Variants in ATF6B observed in about 807,000 individuals in gnomAD.
The protein encoded by ATF6B is activating transcription factor 6 beta.
ATF6B carries 50 observed loss-of-function variants against 83.5 expected under a neutral mutation model. That is an observed-to-expected ratio of 0.60 (90% confidence interval 0.48 to 0.76). ATF6B has a LOEUF of 0.76. Among genes scored for constraint, ATF6B ranks in the 30% least tolerant of loss-of-function variants. The pLI, the probability that ATF6B is intolerant of heterozygous loss-of-function variation, is 0.00. For synonymous variants in ATF6B, 344 were observed against 362.8 expected, an observed-to-expected ratio of 0.95 and a Z score of 0.59; for missense variants, 790 against 893.8, an observed-to-expected ratio of 0.88 and a Z score of 1.48.
chr6:32,123,652 T>G (rs942716953), intron 5 of ATF6B, among the ~76,000 whole-genome samples: 5 of 152,220 alleles, frequency 3.3e-5, no homozygotes, highest in Non-Finnish European at 4.4e-5. Context: ...CCTCCCAAAG[T>G]GCTGGGATTA....
In ATF6B at chr6:32,119,852, G is replaced by A. The variant is rs370199161; in HGVS notation, c.938C>T (p.Pro313Leu). Residue 313 changes from proline to leucine, a missense_variant, in exon 9 of 18, where the codon CCT (proline) becomes CTT (leucine). Coordinates refer to ENST00000375203, the MANE Select transcript of ATF6B (RefSeq NM_004381.5). This position sits in a 1 kb window ranked among gnomAD's most constrained non-coding sequence, Gnocchi z 4.9. ...ERKSIVPAPM[P>L]GNSCPPEVDA... is the part of the protein sequence containing the mutation. ...CACTTCAGGCGGGCAGGAGTTTCCA[G>A]GCATAGGAGCGGGAACGATGCTCTT... 6.2e-7 allele frequency: 1 copy of A among 1,613,998 alleles called. No homozygotes were observed. Among genetic ancestry groups the A allele is most frequent in the African/African-American group, 1.3e-5 (1 of 74,896 alleles).
rs1250456255 is a variant in ATF6B at position 32,116,936 on chromosome 6, C to T, written c.1685+101G>A. On this transcript the variant is annotated intron_variant, in intron 15 of 17. Transcript: ENST00000375203. The surrounding 1 kb of genome is among the most constrained non-coding windows in gnomAD (Gnocchi z 5.1). ...CCCCAGTGGAGGAGGGAGGTATAAT[C>T]CCACTGGTGACAGTAATGACAGGCA... 1 of 1,526,494 alleles carries T rather than the reference C, an allele frequency of 6.6e-7. No individual in the cohort carries two copies. Among genetic ancestry groups the T allele is most frequent in the Non-Finnish European group, 9.1e-7 (1 of 1,103,474 alleles). The allele number at this position is 1,526,494 out of a possible 1,614,324, so 94.6% of individuals were successfully genotyped here. A position where few individuals can be genotyped will look rare whatever the true frequency, so the allele number is the denominator to read the frequency against.
rs1048595877 is a variant in ATF6B at position 32,117,811 on chromosome 6, C to T, written c.1424+48G>A. The T allele has an allele frequency of 1.3e-6, 2 of 1,560,962 alleles. No homozygotes were observed. Among genetic ancestry groups the T allele is most frequent in the Non-Finnish European group, 1.7e-6 (2 of 1,154,718 alleles). On this transcript the variant is annotated intron_variant, in intron 12 of 17. Transcript: ENST00000375203. This position sits in a 1 kb window ranked among gnomAD's most constrained non-coding sequence, Gnocchi z 5.0. ...CCCCTCACTGAAAGCGGGGAGAAGA[C>T]CAACTCATACCCTCAAACGAGAGGG...
In ATF6B at chr6:32,119,904, C is replaced by T; in HGVS notation, c.886G>A (p.Ala296Thr). The T allele has an allele frequency of 6.2e-7, 1 of 1,614,100 alleles. No homozygotes were observed. Among genetic ancestry groups the T allele is most frequent in the Non-Finnish European group, 8.5e-7 (1 of 1,180,010 alleles). The change falls in exon 9 of 18, where the codon GCT becomes ACT. Residue 296 changes from alanine (A) to threonine (T), a missense_variant. Transcript: ENST00000375203. This position sits in a 1 kb window ranked among gnomAD's most constrained non-coding sequence, Gnocchi z 4.9. ...GAIRVQPEGP[A>T]PSLPRPERKS... Reference sequence around the variant, plus strand: ...CTCTCAGGCCGTGGTAGAGAGGGAGCCGGCCCTTCAGGCTGGACTCGAATA... The same window carrying T: ...CTCTCAGGCCGTGGTAGAGAGGGAGTCGGCCCTTCAGGCTGGACTCGAATA...
At position 32,118,712 on chromosome 6, in the gene ATF6B, C is replaced by A. The variant is rs1183188275; in HGVS notation, c.1244+63G>T. 27 of 1,533,494 alleles carry A rather than the reference C, an allele frequency of 1.8e-5. No individual in the cohort carries two copies. In the South Asian group the frequency reaches 2.4e-4, roughly 13 times the overall value. 95.0% of individuals were successfully genotyped at this position (1,533,494 alleles called of 1,614,324 possible). A position where few individuals can be genotyped will look rare whatever the true frequency, so the allele number is the denominator to read the frequency against. ...AGGAAATGGCCTGGGCCAAAGCAGG[C>A]AGCTAGGAGGCTGTAACGTGGGCTC... On this transcript the variant is annotated intron_variant, in intron 11 of 17. Coordinates refer to ENST00000375203, the MANE Select transcript of ATF6B (RefSeq NM_004381.5). This position sits in a 1 kb window ranked among gnomAD's most constrained non-coding sequence, Gnocchi z 5.2.
chr6:32,128,040 C>T (rs972029275), intron 1 of ATF6B, 77 bp downstream of exon 1: 19 of 1,562,964 alleles, frequency 1.2e-5, no homozygotes, highest in Non-Finnish European at 1.7e-5. Flanking sequence ...CCCAGACTTC[C>T]TCTTTAGGCC....
Position 32,121,077 on chromosome 6 carries a change from G to T in ATF6B, c.612C>A (p.Ser204=), listed in dbSNP as rs2228628. ...EVLEVKTESL[S]PSGCLLWDVP... is the part of the protein sequence containing the mutation. ...CATCCCACAGGAGGCATCCTGAAGG[G>T]GACAGGGACTCTGTCTTCACTTCCA... The change falls in exon 7 of 18, where the codon TCC becomes TCA. Residue 204 remains serine, a synonymous_variant. Transcript: ENST00000375203. 1.3e-6 allele frequency: 2 copies of T among 1,567,922 alleles called. No homozygotes were observed. Among genetic ancestry groups the T allele is most frequent in the Admixed American group, 1.9e-5 (1 of 53,734 alleles).
Position 32,117,645 on chromosome 6 carries a change from G to A in ATF6B, c.1474C>T (p.Leu492=). Reference sequence around the variant, plus strand: ...TCAGAGGAGAGGAAGAGCTGGTCTAGGTCTCTTAGTAGTAGCTCCTTGGCG... The same window carrying A: ...TCAGAGGAGAGGAAGAGCTGGTCTAAGTCTCTTAGTAGTAGCTCCTTGGCG... ...GGAKELLLRD[L]DQLFLSSDCR... Residue 492 remains leucine, a synonymous_variant, in exon 13 of 18, where the codon CTA becomes TTA. Transcript: ENST00000375203. This position sits in a 1 kb window ranked among gnomAD's most constrained non-coding sequence, Gnocchi z 5.0. 2 of 1,614,198 alleles carry A rather than the reference G, an allele frequency of 1.2e-6. No homozygotes were observed. The highest frequency in any genetic ancestry group is 2.7e-5 in the African/African-American group (2 of 75,050).
chr6:32,116,786 C>T lies in ATF6B; in HGVS notation c.1715G>A (p.Arg572His), dbSNP rs563678991. ...RDSVGQLQLY[R>H]HPDRSQPAFL... ...TGCTGGCTGCGAACGGTCTGGGTGG[C>T]GATATAGTTGCAGCTGGCCCACAGA... The change falls in exon 16 of 18, where the codon CGC becomes CAC. Residue 572 changes from arginine to histidine, a missense_variant. Physicochemically the swap from Arg to His is conservative, Grantham distance 29 (BLOSUM62 0). This residue lies in a region of ATF6B where 530 missense variants were observed against 632.6 expected (regional missense o/e 0.84). Coordinates refer to ENST00000375203, the MANE Select transcript of ATF6B (RefSeq NM_004381.5). The surrounding 1 kb of genome is among the most constrained non-coding windows in gnomAD (Gnocchi z 5.1). 29 of 1,614,028 alleles carry T rather than the reference C, an allele frequency of 1.8e-5. No homozygotes were observed. The South Asian group carries it at 2.5e-4, about 14-fold the overall frequency.
Position 32,117,572 on chromosome 6 carries a change from C to A in ATF6B, c.1532+15G>T. 6.2e-7 allele frequency: 1 copy of A among 1,612,776 alleles called. No homozygotes were observed. Among genetic ancestry groups the A allele is most frequent in the Non-Finnish European group, 8.5e-7 (1 of 1,179,100 alleles). ...AGGCCGGGGGAGCTGGATGCCCCAG[C>A]AATGAATCCCACACCTCAGGGACTC... is the stretch of plus-strand genomic sequence containing the variant. On this transcript the variant is annotated intron_variant, in intron 13 of 17. Coordinates refer to ENST00000375203, the MANE Select transcript of ATF6B (RefSeq NM_004381.5). This position sits in a 1 kb window ranked among gnomAD's most constrained non-coding sequence, Gnocchi z 5.0.
In ATF6B at chr6:32,118,920, ATT is replaced by A; in HGVS notation, c.1152+34_1152+35del. 1 of 1,614,146 alleles carries A rather than the reference ATT, an allele frequency of 6.2e-7. No homozygotes were observed. On this transcript the variant is annotated intron_variant, in intron 10 of 17. Transcript: ENST00000375203. The surrounding 1 kb of genome is among the most constrained non-coding windows in gnomAD (Gnocchi z 5.2). Reference sequence around the variant, plus strand: ...AGGGGAATCATTCCAAGGAGGCTGTATTCCTGTTGGTCTCCCAGGGACAGACT... The same window carrying A: ...AGGGGAATCATTCCAAGGAGGCTGTACCTGTTGGTCTCCCAGGGACAGACT...
chr6:32,128,151 G>C lies in ATF6B; in HGVS notation c.57C>G (p.Asp19Glu). The change falls in exon 1 of 18, where the codon GAC (aspartate) becomes GAG (glutamate). Residue 19 changes from aspartate to glutamate, a missense_variant. Around this residue, in one of 3 missense-constraint regions of ATF6B, gnomAD observed 253 missense variants for 243.1 expected, o/e 1.04. Transcript: ENST00000375203. ...EIADPTRFFT[D>E]NLLSPEDWGL... ...CCCAGTCCTCCGGGCTAAGCAGGTT[G>C]TCGGTGAAGAAACGCGTCGGGTCAG... 1 of 1,613,290 alleles carries C rather than the reference G, an allele frequency of 6.2e-7. No individual in the cohort carries two copies. The highest frequency in any genetic ancestry group is 8.5e-7 in the Non-Finnish European group (1 of 1,180,012).
intron 8 of ATF6B, 48 bp from the exon 9 acceptor site, chr6:32,120,005 C>T: frequency 6.3e-7 from 1 of 1,578,938 alleles, no homozygotes; most frequent in Non-Finnish European, 8.6e-7. Context: ...GGGTGGGGTC[C>T]TTGTGTCCAC....
chr6:32,117,921 G>C lies in ATF6B; in HGVS notation c.1362C>G (p.Leu454=). 3 of 1,607,598 alleles carry C rather than the reference G, an allele frequency of 1.9e-6. No homozygotes were observed. The highest frequency in any genetic ancestry group is 1.7e-6 in the Non-Finnish European group (2 of 1,176,966). The change falls in exon 12 of 18, where the codon CTC becomes CTG. Residue 454 remains leucine, a synonymous_variant. Transcript: ENST00000375203. This position sits in a 1 kb window ranked among gnomAD's most constrained non-coding sequence, Gnocchi z 5.0. ...EQEPVQGVEP[L]QGSSQGPKEP... ...CCTTAGGGCCCTGGGAGGACCCCTG[G>C]AGAGGTTCAACTCCCTGAACTGGCT... is the stretch of plus-strand genomic sequence containing the variant.
At chr6:32,127,235 TAAG>T (rs1782019270) in intron 3 of ATF6B, 41 bp from the exon 4 acceptor site, 1 of 1,551,094 alleles carries the variant, frequency 6.4e-7, no homozygotes, top group South Asian at 1.2e-5. Flanking sequence ...AAGCAGAGCT[TAAG>T]AAGAGTCCAA....
chr6:32,126,984 T>G, intron 4 of ATF6B, 119 bp downstream of exon 4: 1 of 848,456 alleles, frequency 1.2e-6, no homozygotes, highest in Non-Finnish European at 1.7e-6. Context: ...CCCCCACACC[T>G]CACACACCTC....
chr6:32,119,038 A>C lies in ATF6B; in HGVS notation c.1070T>G (p.Leu357Arg). The change falls in exon 10 of 18, where the codon CTG (leucine) becomes CGG (arginine). Residue 357 changes from leucine (L) to arginine (R), a missense_variant. Transcript: ENST00000375203. The surrounding 1 kb of genome is among the most constrained non-coding windows in gnomAD (Gnocchi z 4.9). ...KEYLQGLEARLQAVLADNQQL... is the reference protein window; with the variant it reads ...KEYLQGLEARRQAVLADNQQL... ...CTGGTTGTCAGCCAGTACTGCTTGC[A>C]GCCGAGCCTCCAGTCCCTGCAGATA... 6.2e-7 allele frequency: 1 copy of C among 1,614,142 alleles called. No homozygotes were observed.
Position 32,118,766 on chromosome 6 carries a change from A to G in ATF6B, c.1244+9T>C. On this transcript the variant is annotated intron_variant, in intron 11 of 17. Transcript: ENST00000375203. The surrounding 1 kb of genome is among the most constrained non-coding windows in gnomAD (Gnocchi z 5.2). The stretch of plus-strand genomic sequence containing the variant: ...CTGGAAGGTTCTAGTGAAGCAAGGA[A>G]GGTCTCACCTGACAGGTCCAAAGTT... The G allele has an allele frequency of 6.2e-7, 1 of 1,613,554 alleles. No individual in the cohort carries two copies. The highest frequency in any genetic ancestry group is 8.5e-7 in the Non-Finnish European group (1 of 1,179,420).
rs866048265 is a variant in ATF6B, at chr6:32,121,290, G to C, written c.537C>G (p.Ser179=). 6.2e-7 allele frequency: 1 copy of C among 1,614,090 alleles called. No individual in the cohort carries two copies. The change falls in exon 6 of 18, where the codon TCC becomes TCG. Residue 179 remains serine, a synonymous_variant. Transcript: ENST00000375203. ...GGCTGGAGGAGTCGGCTGAGAGCAG[G>C]GAGGCCTCAGAGTTGACGGAAGAAC... ...SPCSSVNSEA[S]LLSADSSSQA...
Sources: gnomAD v4.1 joint callset for allele counts (sites outside exome capture counted in the v4.1 genomes callset) on GRCh38, gnomAD v4.1.1 for gene constraint, gnomAD v4.1.1 regional missense constraint, Gnocchi (gnomAD v3.1) non-coding constraint, MANE v1.5 for transcripts, NCBI Gene and HGNC (gene_info 2026-07-23, HGNC 2026-07-21) for gene names.